The following CCSER1 variants were observed in gnomAD, a reference collection of about 807,000 sequenced individuals.
CCSER1 encodes the protein coiled-coil serine rich protein 1.
Under a neutral mutation model 82.0 loss-of-function variants are expected in CCSER1, and 41 were observed. The ratio of observed to expected loss-of-function variants is 0.50; its 90% CI spans 0.39 to 0.65. The LOEUF (loss-of-function observed/expected upper bound fraction) is 0.65, where lower values mean the gene tolerates loss of function less well. Among genes scored for constraint, CCSER1 ranks in the 30% least tolerant of loss-of-function variants. The pLI, the probability that CCSER1 is intolerant of heterozygous loss-of-function variation, is 0.00. For missense variants in CCSER1, 1,119 were observed against 1,064.2 expected (o/e 1.05, Z -0.72); for synonymous variants, 414 against 383.9 (o/e 1.08, Z -0.92).
At chr4:90,457,848 A>G (rs976669284) in intron 4 of CCSER1, among the ~76,000 whole-genome samples, 20 of 152,136 alleles carry the variant, frequency 1.3e-4, no homozygotes, top group Admixed American at 2.0e-4. Flanking sequence ...CCAGGAGCCT[A>G]TCTGCTTTCT....
intron 9 of CCSER1, among the ~76,000 whole-genome samples, chr4:90,979,483 G>A (rs946881038): frequency 6.6e-6 from 1 of 151,714 alleles, no homozygotes; most frequent in African/African-American, 2.4e-5. Flanking sequence ...TTTATATGGT[G>A]TGTGGCTTAT....
intron 10 of CCSER1, among the ~76,000 whole-genome samples, chr4:91,402,335 T>G (rs548248394): frequency 3.0e-4 from 46 of 152,318 alleles, no homozygotes; most frequent in African/African-American, 1.0e-3. Context: ...TTTCTCCCAT[T>G]CTGTAGGTTG....
At chr4:90,889,138 A>G (rs540107165) in intron 8 of CCSER1, among the ~76,000 whole-genome samples, 1 of 152,192 alleles carries the variant, frequency 6.6e-6, no homozygotes, top group Admixed American at 6.5e-5. Context: ...TGAAAGAATC[A>G]GTATATTGTT....
chr4:90,485,659 GTACTCATTAGTGATTTT>G (rs1251781058), intron 5 of CCSER1, among the ~76,000 whole-genome samples: 2 of 152,014 alleles, frequency 1.3e-5, no homozygotes, highest in Non-Finnish European at 2.9e-5. Flanking sequence ...ATTAAGCCTA[GTACTCATTAGTGATTTT>G]TCCTGATCCT....
chr4:90,646,674 G>A (rs1727664545), intron 6 of CCSER1, among the ~76,000 whole-genome samples: 1 of 152,070 alleles, frequency 6.6e-6, no homozygotes, highest in South Asian at 2.1e-4. Flanking sequence ...TACTATTTCT[G>A]TCTACTTTTA....
intron 10 of CCSER1, among the ~76,000 whole-genome samples, chr4:91,389,256 T>A (rs368359109): frequency 8.6e-5 from 13 of 152,030 alleles, no homozygotes; most frequent in African/African-American, 1.9e-4. Flanking sequence ...TTAAGATCAG[T>A]GCCTAGATTC....
intron 1 of CCSER1, among the ~76,000 whole-genome samples, chr4:90,223,680 TAA>T (rs1332017053): frequency 6.6e-6 from 1 of 152,228 alleles, no homozygotes; most frequent in African/African-American, 2.4e-5. Context: ...GGGAATGTGT[TAA>T]ATGTATACAC....
At chr4:90,284,668 A>G (rs571899312) in intron 1 of CCSER1, among the ~76,000 whole-genome samples, 11 of 149,682 alleles carry the variant, frequency 7.3e-5, no homozygotes, top group Non-Finnish European at 1.5e-4. Flanking sequence ...TAATTTTTGT[A>G]TTTTTCATAG....
chr4:90,302,410 A>T (rs1733328133), intron 1 of CCSER1, among the ~76,000 whole-genome samples: 2 of 152,108 alleles, frequency 1.3e-5, no homozygotes, highest in African/African-American at 4.8e-5. Context: ...AGGCAATGTT[A>T]TAATAGTAGG....
chr4:90,491,004 G>T (rs913148358), intron 5 of CCSER1, among the ~76,000 whole-genome samples: 1 of 152,112 alleles, frequency 6.6e-6, no homozygotes, highest in South Asian at 2.1e-4. Flanking sequence ...TGGCAATGCG[G>T]GCCCTTTTTG....
intron 8 of CCSER1, among the ~76,000 whole-genome samples, chr4:90,842,161 A>G (rs910193283): frequency 6.6e-6 from 1 of 152,200 alleles, no homozygotes; most frequent in African/African-American, 2.4e-5. Context: ...TTCTTATTCA[A>G]AACATCTTTA....
At chr4:90,688,239 T>G (rs1735176040) in intron 6 of CCSER1, among the ~76,000 whole-genome samples, 1 of 152,108 alleles carries the variant, frequency 6.6e-6, no homozygotes, top group Non-Finnish European at 1.5e-5. Flanking sequence ...TCACTGTCAA[T>G]ACCCATTTCA....
At chr4:91,404,747 A>G (rs1246622636) in intron 10 of CCSER1, among the ~76,000 whole-genome samples, 9 of 152,042 alleles carry the variant, frequency 5.9e-5, no homozygotes, top group Admixed American at 1.3e-4. Context: ...TGATTGCACC[A>G]TTGTCTGAGA....
At chr4:91,594,397 A>G (rs1036594573) in intron 10 of CCSER1, among the ~76,000 whole-genome samples, 3 of 140,690 alleles carry the variant, frequency 2.1e-5, no homozygotes, top group African/African-American at 7.9e-5. Flanking sequence ...ATATACATAT[A>G]TACACATATA....
intron 10 of CCSER1, among the ~76,000 whole-genome samples, chr4:91,304,935 C>T (rs1300059067): frequency 2.6e-5 from 4 of 151,846 alleles, no homozygotes; most frequent in African/African-American, 9.7e-5. Flanking sequence ...CCGTAGAAAG[C>T]AGGGCAAAAT....
chr4:90,981,022 G>C (rs866619076), intron 9 of CCSER1, among the ~76,000 whole-genome samples: 1 of 151,890 alleles, frequency 6.6e-6, no homozygotes, highest in South Asian at 2.1e-4. Context: ...TCTACAGGTA[G>C]ACCTGAAGTA....
intron 1 of CCSER1, among the ~76,000 whole-genome samples, chr4:90,211,281 C>T (rs963381964): frequency 1.6e-4 from 25 of 152,282 alleles, no homozygotes; most frequent in African/African-American, 5.8e-4. Context: ...TCTTAAACCC[C>T]TATTTTTAGC....
chr4:91,118,843 G>T (rs542247620), intron 10 of CCSER1, among the ~76,000 whole-genome samples: 1 of 152,138 alleles, frequency 6.6e-6, no homozygotes, highest in South Asian at 2.1e-4. Context: ...CTTACCAGTA[G>T]TTTTTGTAGA....
intron 8 of CCSER1, among the ~76,000 whole-genome samples, chr4:90,821,150 T>G (rs1346976192): frequency 6.6e-6 from 1 of 152,204 alleles, no homozygotes; most frequent in Non-Finnish European, 1.5e-5. Flanking sequence ...CTTATTACAG[T>G]ATCATTTCAA....
Sources: allele counts gnomAD v4.1 joint callset (sites outside exome capture counted in the v4.1 genomes callset), GRCh38; gene constraint gnomAD v4.1.1; transcripts MANE v1.5; gene names NCBI Gene and HGNC (gene_info 2026-07-23, HGNC 2026-07-21).